KCNIP4: variants seen among roughly 807,000 people sequenced by gnomAD.
KCNIP4 encodes the protein potassium voltage-gated channel interacting protein 4.
Under a neutral mutation model 34.0 loss-of-function variants are expected in KCNIP4, and 12 were observed. The observed-to-expected ratio is 0.35, with a 90% CI of 0.23 to 0.57. The LOEUF is 0.57. KCNIP4 is among the 20% of genes least tolerant of loss of function. The probability of loss-of-function intolerance (pLI) is 0.83; values close to 1 mark genes in which losing one functional copy is unlikely to be tolerated. For missense variants in KCNIP4, 238 were observed against 311.7 expected, an observed-to-expected ratio of 0.76 and a Z score of 1.78; for synonymous variants, 124 against 102.2, an observed-to-expected ratio of 1.21 and a Z score of -1.29.
chr4:21,587,745 A>G (rs1465087762), intron 1 of KCNIP4, among the ~76,000 whole-genome samples: 1 of 152,068 alleles, frequency 6.6e-6, no homozygotes, highest in African/African-American at 2.4e-5. Context: ...TGTTCATAGT[A>G]TAAGAAACTG....
intron 1 of KCNIP4, among the ~76,000 whole-genome samples, chr4:21,399,866 G>A (rs147144013): frequency 3.6e-3 from 546 of 152,242 alleles, no homozygotes; most frequent in Non-Finnish European, 5.6e-3. Flanking sequence ...ATTTCTAGAC[G>A]TGGAGCAGGG....
At chr4:20,802,452 T>C (rs779798610) in intron 3 of KCNIP4, among the ~76,000 whole-genome samples, 5 of 151,794 alleles carry the variant, frequency 3.3e-5, no homozygotes, top group Non-Finnish European at 7.4e-5. Flanking sequence ...ATCAACCAGA[T>C]AGAAAATAAA....
intron 1 of KCNIP4, among the ~76,000 whole-genome samples, chr4:21,088,392 C>A (rs1746661776): frequency 6.6e-6 from 1 of 152,164 alleles, no homozygotes; most frequent in Admixed American, 6.5e-5. Context: ...TTCATGACCT[C>A]TGCTACTGTC....
chr4:21,459,216 C>G (rs1010499563), intron 1 of KCNIP4, among the ~76,000 whole-genome samples: 10 of 152,026 alleles, frequency 6.6e-5, no homozygotes, highest in Admixed American at 1.3e-4. Context: ...CCTTTGTACT[C>G]ATAAAAATGG....
chr4:21,176,785 T>C (rs1437663569), intron 1 of KCNIP4, among the ~76,000 whole-genome samples: 1 of 152,164 alleles, frequency 6.6e-6, no homozygotes, highest in East Asian at 1.9e-4. Flanking sequence ...CCTCCCAAAG[T>C]GCTGGGATTA....
At chr4:20,735,682 A>G (rs1578431213) in intron 5 of KCNIP4, among the ~76,000 whole-genome samples, 1 of 151,670 alleles carries the variant, frequency 6.6e-6, no homozygotes, top group Non-Finnish European at 1.5e-5. Flanking sequence ...GACTACAGGC[A>G]CCCGCCACCA....
At chr4:21,835,904 T>A (rs1228625438) in intron 1 of KCNIP4, among the ~76,000 whole-genome samples, 1 of 152,114 alleles carries the variant, frequency 6.6e-6, no homozygotes, top group Non-Finnish European at 1.5e-5. Flanking sequence ...AAAAAAAATA[T>A]TTAGCAAATA....
At chr4:21,564,822 AAG>A (rs1443670324) in intron 1 of KCNIP4, among the ~76,000 whole-genome samples, 3 of 151,422 alleles carry the variant, frequency 2.0e-5, no homozygotes, top group Non-Finnish European at 4.4e-5. Context: ...GAGAGGAAGC[AAG>A]AGAGAGAGTG....
chr4:21,261,800 A>C (rs1357230138), intron 1 of KCNIP4, among the ~76,000 whole-genome samples: 1 of 152,064 alleles, frequency 6.6e-6, no homozygotes, highest in Non-Finnish European at 1.5e-5. Flanking sequence ...TGCTACTGTC[A>C]CTTCTCCCCA....
At chr4:21,767,451 G>A (rs1003043731) in intron 1 of KCNIP4, among the ~76,000 whole-genome samples, 5 of 151,930 alleles carry the variant, frequency 3.3e-5, no homozygotes, top group Admixed American at 6.6e-5. Context: ...GGAAGCAGAT[G>A]GAGTGACAGG....
At chr4:21,815,542 A>AT (rs1560735038) in intron 1 of KCNIP4, among the ~76,000 whole-genome samples, 1 of 152,154 alleles carries the variant, frequency 6.6e-6, no homozygotes, top group Non-Finnish European at 1.5e-5. Flanking sequence ...GGAAAAAAAA[A>AT]GCAAAAAGAC....
intron 1 of KCNIP4, among the ~76,000 whole-genome samples, chr4:21,169,942 C>A (rs1169708328): frequency 6.6e-6 from 1 of 152,078 alleles, no homozygotes; most frequent in African/African-American, 2.4e-5. Context: ...CTATAATGCC[C>A]ACACATGTTT....
At chr4:21,861,036 T>C (rs28722532) in intron 1 of KCNIP4, among the ~76,000 whole-genome samples, 2,116 of 152,272 alleles carry the variant, frequency 0.014, 45 homozygotes, top group African/African-American at 0.048. Context: ...ATATCAAAAA[T>C]GGGGCAGTTG....
intron 1 of KCNIP4, among the ~76,000 whole-genome samples, chr4:21,239,696 AG>A (rs747917267): frequency 1.3e-5 from 2 of 152,220 alleles, no homozygotes; most frequent in Non-Finnish European, 2.9e-5. Context: ...AGTAGTTAGA[AG>A]GGCAATCATT....
At chr4:21,033,310 G>A (rs963910194) in intron 1 of KCNIP4, among the ~76,000 whole-genome samples, 1 of 152,086 alleles carries the variant, frequency 6.6e-6, no homozygotes, top group Non-Finnish European at 1.5e-5. Context: ...ACATTTGATA[G>A]AAGAGTAGAA....
intron 1 of KCNIP4, among the ~76,000 whole-genome samples, chr4:21,696,264 T>C (rs779144683): frequency 1.3e-5 from 2 of 152,090 alleles, no homozygotes; most frequent in Non-Finnish European, 2.9e-5. Flanking sequence ...TAGTTAATTA[T>C]CGCCAAGACT....
At chr4:21,872,064 C>G (rs950865515) in intron 1 of KCNIP4, among the ~76,000 whole-genome samples, 2 of 152,014 alleles carry the variant, frequency 1.3e-5, no homozygotes, top group African/African-American at 4.8e-5. Flanking sequence ...GCCTTGTCCC[C>G]TGGTAGATAG....
chr4:21,676,589 T>G (rs1436920384), intron 1 of KCNIP4, among the ~76,000 whole-genome samples: 1 of 152,364 alleles, frequency 6.6e-6, no homozygotes, highest in Non-Finnish European at 1.5e-5. Flanking sequence ...TCAAGGAACT[T>G]TGTACTCTGT....
intron 1 of KCNIP4, among the ~76,000 whole-genome samples, chr4:21,460,478 C>T (rs1729360402): frequency 6.6e-6 from 1 of 152,030 alleles, no homozygotes; most frequent in African/African-American, 2.4e-5. Context: ...ATTTATTTCT[C>T]ATAGTTCTGG....
Sources: allele counts gnomAD v4.1 joint callset (sites outside exome capture counted in the v4.1 genomes callset), GRCh38; gene constraint gnomAD v4.1.1; transcripts MANE v1.5; gene names NCBI Gene and HGNC (gene_info 2026-07-23, HGNC 2026-07-21).